EBF2: variants seen among roughly 807,000 people sequenced by gnomAD.
The protein encoded by EBF2 is EBF transcription factor 2, also known as transcription factor COE2.
Under a neutral mutation model 72.8 loss-of-function variants are expected in EBF2, and 21 were observed. The ratio of observed to expected loss-of-function variants is 0.29; its 90% CI spans 0.20 to 0.42. The LOEUF is 0.42. Ranked by LOEUF, EBF2 falls within the 10% of genes least tolerant of loss-of-function variation. The probability of loss-of-function intolerance (pLI) is 1.00; values close to 1 mark genes in which losing one functional copy is unlikely to be tolerated. For missense variants in EBF2, 637 were observed against 731.2 expected (o/e 0.87, Z 1.49); for synonymous variants, 299 against 274.2 (o/e 1.09, Z -0.89).
chr8:26,025,808 T>G (rs1805295008), intron 6 of EBF2, among the ~76,000 whole-genome samples: 1 of 152,116 alleles, frequency 6.6e-6, no homozygotes, highest in Non-Finnish European at 1.5e-5. Context: ...TGCATTCACA[T>G]TGGATAGATA....
intron 5 of EBF2, among the ~76,000 whole-genome samples, chr8:26,034,153 G>A (rs1204973965): frequency 6.6e-6 from 1 of 152,324 alleles, no homozygotes; most frequent in South Asian, 2.1e-4. Context: ...TTTCTCCAGA[G>A]ATCTTGCTAT....
chr8:26,036,894 T>TAA (rs368017160), intron 5 of EBF2, among the ~76,000 whole-genome samples: 1 of 147,302 alleles, frequency 6.8e-6, no homozygotes, highest in Non-Finnish European at 1.5e-5. Context: ...ACTCTAAGAT[T>TAA]AAAAAAAAAA....
intron 6 of EBF2, among the ~76,000 whole-genome samples, chr8:25,967,102 T>C (rs1053585364): frequency 1.3e-5 from 2 of 152,238 alleles, no homozygotes; most frequent in South Asian, 2.1e-4. Context: ...GATGGGTCTA[T>C]GTATTTGGGA....
intron 6 of EBF2, among the ~76,000 whole-genome samples, chr8:25,920,438 C>T (rs1803288406): frequency 6.6e-6 from 1 of 152,224 alleles, no homozygotes; most frequent in African/African-American, 2.4e-5. Flanking sequence ...GCAGGTCCTT[C>T]AAGCAAGTCC....
chr8:25,851,449 C>T (rs1041353257), intron 14 of EBF2, among the ~76,000 whole-genome samples: 2 of 152,038 alleles, frequency 1.3e-5, no homozygotes, highest in Admixed American at 1.3e-4. Flanking sequence ...TAAGGGAAGA[C>T]AAAAGCCAAG....
intron 6 of EBF2, among the ~76,000 whole-genome samples, chr8:26,002,923 C>CA (rs1804763453): frequency 2.2e-4 from 1 of 4,622 alleles, no homozygotes; most frequent in African/African-American, 6.0e-4. Flanking sequence ...GGCGGGCAGG[C>CA]GGGCAGGCAG....
At chr8:26,022,366 T>C (rs1036938225) in intron 6 of EBF2, among the ~76,000 whole-genome samples, 1 of 152,204 alleles carries the variant, frequency 6.6e-6, no homozygotes, top group African/African-American at 2.4e-5. Flanking sequence ...AAATGTCCTG[T>C]ACAATTGTGC....
intron 6 of EBF2, among the ~76,000 whole-genome samples, chr8:26,002,385 C>T (rs1804743294): frequency 6.6e-6 from 1 of 152,200 alleles, no homozygotes; most frequent in African/African-American, 2.4e-5. Flanking sequence ...TGACACATTC[C>T]CAGCAGGCTC....
intron 6 of EBF2, among the ~76,000 whole-genome samples, chr8:26,002,924 G>GGCAGGCAGGCAGGCGGGCGGGCA (rs1804763604): frequency 2.1e-4 from 1 of 4,792 alleles, no homozygotes; most frequent in African/African-American, 5.7e-4. Flanking sequence ...GCGGGCAGGC[G>GGCAGGCAGGCAGGCGGGCGGGCA]GGCAGGCAGG....
intron 6 of EBF2, among the ~76,000 whole-genome samples, chr8:26,001,120 A>G (rs902464257): frequency 6.6e-6 from 1 of 152,228 alleles, no homozygotes; most frequent in South Asian, 2.1e-4. Flanking sequence ...ATGAGCACCA[A>G]GTGCATGCTA....
At chr8:25,905,941 CCCTT>C (rs1803025062) in intron 7 of EBF2, among the ~76,000 whole-genome samples, 1 of 152,144 alleles carries the variant, frequency 6.6e-6, no homozygotes, top group Non-Finnish European at 1.5e-5. Context: ...ATTCTTTTTG[CCCTT>C]GTCTTTGCAA....
chr8:25,996,574 C>G (rs1297196859), intron 6 of EBF2, among the ~76,000 whole-genome samples: 1 of 151,486 alleles, frequency 6.6e-6, no homozygotes, highest in Non-Finnish European at 1.5e-5. Flanking sequence ...ATGCATAGCC[C>G]AAAGTGCTTT....
intron 6 of EBF2, among the ~76,000 whole-genome samples, chr8:25,987,919 A>G (rs997873142): frequency 6.6e-6 from 1 of 152,028 alleles, no homozygotes; most frequent in African/African-American, 2.4e-5. Context: ...CTTCATTGTC[A>G]TGTCTTGAGG....
intron 6 of EBF2, among the ~76,000 whole-genome samples, chr8:25,996,008 G>A (rs1026130431): frequency 6.6e-6 from 1 of 151,964 alleles, no homozygotes; most frequent in African/African-American, 2.4e-5. Flanking sequence ...AATAAACAAG[G>A]TAGGGCCAGG....
chr8:25,891,352 A>G (rs10088315), intron 7 of EBF2, among the ~76,000 whole-genome samples: 29,266 of 152,022 alleles, frequency 0.19, 6,393 homozygotes, highest in African/African-American at 0.54. Context: ...CTCAGTTCAC[A>G]TCAGTTACGC....
chr8:26,000,285 C>T (rs997473896), intron 6 of EBF2, among the ~76,000 whole-genome samples: 1 of 152,104 alleles, frequency 6.6e-6, no homozygotes, highest in African/African-American at 2.4e-5. Flanking sequence ...CAAAGCAGTG[C>T]AAATGCTAGC....
At chr8:26,002,462 G>A (rs892134167) in intron 6 of EBF2, among the ~76,000 whole-genome samples, 4 of 152,210 alleles carry the variant, frequency 2.6e-5, no homozygotes, top group African/African-American at 9.6e-5. Flanking sequence ...CTGTGCATTA[G>A]ACAAGGTGTG....
At chr8:25,938,057 C>T (rs1025797003) in intron 6 of EBF2, among the ~76,000 whole-genome samples, 7 of 152,008 alleles carry the variant, frequency 4.6e-5, no homozygotes, top group African/African-American at 7.3e-5. Context: ...ATTCAGAATT[C>T]GGAATAGTTT....
At chr8:25,895,487 T>C (rs2117299069) in intron 7 of EBF2, among the ~76,000 whole-genome samples, 1 of 152,292 alleles carries the variant, frequency 6.6e-6, no homozygotes, top group East Asian at 1.9e-4. Flanking sequence ...TATACAGAAA[T>C]AGAAACATGA....
Sources: allele counts gnomAD v4.1 joint callset (sites outside exome capture counted in the v4.1 genomes callset), GRCh38; gene constraint gnomAD v4.1.1; transcripts MANE v1.5; gene names NCBI Gene and HGNC (gene_info 2026-07-23, HGNC 2026-07-21).